Variants in NRIP1 observed in about 807,000 individuals in gnomAD.
NRIP1 encodes nuclear receptor interacting protein 1.
A neutral mutation model predicts 75.0 loss-of-function variants in NRIP1; 28 were observed. The ratio of observed to expected loss-of-function variants is 0.37; its 90% confidence interval spans 0.28 to 0.51. The LOEUF (loss-of-function observed/expected upper bound fraction) is 0.51, where lower values mean the gene tolerates loss of function less well. NRIP1 is among the 20% of genes least tolerant of loss of function. The probability of loss-of-function intolerance (pLI) is 0.92; values close to 1 mark genes in which losing one functional copy is unlikely to be tolerated. For synonymous variants in NRIP1, 526 were observed against 487.6 expected (o/e 1.08, Z -1.04); for missense variants, 1,435 against 1,343.7 (o/e 1.07, Z -1.06).
intron 3 of NRIP1, chr21:14,988,102 A>C (rs1354575851): frequency 6.6e-6 from 1 of 152,182 alleles, no homozygotes; most frequent in African/African-American, 2.4e-5. Flanking sequence ...ATTGTGGTGA[A>C]AAGAACAGTC....
At position 14,968,304 on chromosome 21, in the gene NRIP1, C is replaced by A. The variant is rs570355404; in HGVS notation, c.-112G>T. 1.1e-3 allele frequency: 767 copies of A among 702,012 alleles called. 2 individuals are homozygous for A. The highest frequency in any genetic ancestry group is 2.1e-3 in the Middle Eastern group (6 of 2,878). 43.5% of individuals were successfully genotyped at this position (702,012 alleles called of 1,614,324 possible). On this transcript the variant is annotated 5_prime_UTR_variant, in exon 4 of 4. Transcript: ENST00000318948. ...GGAGTATCAGTTTATCACCTTCCAT[C>A]GCAATCAGAGAGAGACGTACTGTTA...
chr21:14,969,221 A>G (rs1475845811), intron 3 of NRIP1, among the ~76,000 whole-genome samples: 1 of 152,234 alleles, frequency 6.6e-6, no homozygotes, highest in Non-Finnish European at 1.5e-5. Flanking sequence ...CTTATTAAAG[A>G]CAGAGAGGAG....
rs1022538039 is a variant in NRIP1 at position 14,964,568 on chromosome 21, T to G, written c.*148A>C. On this transcript the variant is annotated 3_prime_UTR_variant, in exon 4 of 4. Coordinates refer to ENST00000318948, the MANE Select transcript of NRIP1 (RefSeq NM_003489.4). ...GTTAAGCAAAAATTAGTATGCATAT[T>G]TCAACATCACCAGTAACCAATACTT... 1 of 633,584 alleles carries G rather than the reference T, an allele frequency of 1.6e-6. No individual in the cohort carries two copies. Among genetic ancestry groups the G allele is most frequent in the African/African-American group, 1.9e-5 (1 of 53,626 alleles). The allele number at this position is 633,584 out of a possible 1,614,324, so 39.2% of individuals were successfully genotyped here.
chr21:15,009,168 G>A (rs1433003429), intron 3 of NRIP1, among the ~76,000 whole-genome samples: 1 of 152,120 alleles, frequency 6.6e-6, no homozygotes, highest in African/African-American at 2.4e-5. Context: ...TGTTCTCTGT[G>A]CAGAATGTCC....
intron 3 of NRIP1, among the ~76,000 whole-genome samples, chr21:14,985,170 A>G (rs573768101): frequency 1.5e-3 from 231 of 152,306 alleles, no homozygotes; most frequent in African/African-American, 5.3e-3. Context: ...ACATCTTAGC[A>G]CCTAGCAGAG....
intron 3 of NRIP1, among the ~76,000 whole-genome samples, chr21:15,000,099 C>T (rs2147112015): frequency 6.6e-6 from 1 of 152,286 alleles, no homozygotes; most frequent in East Asian, 1.9e-4. Flanking sequence ...TCAAAGCACA[C>T]ATTTGGAAGA....
intron 3 of NRIP1, among the ~76,000 whole-genome samples, chr21:14,998,357 A>G (rs779015938): frequency 6.6e-6 from 1 of 152,230 alleles, no homozygotes; most frequent in Non-Finnish European, 1.5e-5. Flanking sequence ...CTGAATTAGA[A>G]TATTTCTTGA....
At chr21:14,973,079 T>C (rs1258175753) in intron 3 of NRIP1, among the ~76,000 whole-genome samples, 2 of 152,208 alleles carry the variant, frequency 1.3e-5, no homozygotes, top group African/African-American at 4.8e-5. Flanking sequence ...GGTGATTTCA[T>C]TAGAGCTTGT....
At chr21:15,006,928 T>C (rs2087987034) in intron 3 of NRIP1, among the ~76,000 whole-genome samples, 1 of 152,196 alleles carries the variant, frequency 6.6e-6, no homozygotes, top group East Asian at 1.9e-4. Flanking sequence ...TTTTAGTTCA[T>C]ATGTACACAT....
At chr21:14,982,579 G>A (rs1464182722) in intron 3 of NRIP1, among the ~76,000 whole-genome samples, 2 of 151,768 alleles carry the variant, frequency 1.3e-5, no homozygotes, top group African/African-American at 4.9e-5. Context: ...GAGGGTAGTT[G>A]TTCCTCTCTG....
At chr21:15,017,258 A>C (rs548135873) in intron 2 of NRIP1, among the ~76,000 whole-genome samples, 75 of 152,252 alleles carry the variant, frequency 4.9e-4, no homozygotes, top group African/African-American at 1.3e-3. Context: ...GGATCTCGCT[A>C]TGTTGCTCAG....
chr21:14,995,198 A>G (rs1022341343), intron 3 of NRIP1, among the ~76,000 whole-genome samples: 1 of 152,138 alleles, frequency 6.6e-6, no homozygotes. Context: ...ATCACAAGAC[A>G]TATGTCAAAG....
At chr21:15,001,814 T>C (rs1446152314) in intron 3 of NRIP1, among the ~76,000 whole-genome samples, 3 of 152,198 alleles carry the variant, frequency 2.0e-5, no homozygotes, top group African/African-American at 7.2e-5. Context: ...TTCTAAACTA[T>C]GTCCATAACC....
chr21:15,009,650 G>C (rs1358706370), intron 3 of NRIP1, among the ~76,000 whole-genome samples: 1 of 152,164 alleles, frequency 6.6e-6, no homozygotes, highest in Non-Finnish European at 1.5e-5. Context: ...GCCCAGTCCA[G>C]GAAGCACAAT....
intron 1 of NRIP1, among the ~76,000 whole-genome samples, chr21:15,047,499 C>A (rs2089108784): frequency 6.6e-6 from 1 of 152,190 alleles, no homozygotes; most frequent in South Asian, 2.1e-4. Flanking sequence ...GAGACCGCGC[C>A]ACTGCACTCC....
Position 14,968,150 on chromosome 21 carries a change from A to T in NRIP1, c.43T>A (p.Ser15Thr). 6.2e-7 allele frequency: 1 copy of T among 1,613,748 alleles called. No individual in the cohort carries two copies. The highest frequency in any genetic ancestry group is 8.5e-7 in the Non-Finnish European group (1 of 1,179,844). ...CCTTCTAGGTAAGTTAAAACAATAG[A>T]ATCCTGGTGCACATCAGAGCCAAGC... Reference protein sequence around the residue: ...EELGSDVHQDSIVLTYLEGLL... With the variant: ...EELGSDVHQDTIVLTYLEGLL... Residue 15 changes from serine to threonine, a missense_variant, in exon 4 of 4, where the codon TCT becomes ACT. By Grantham distance (58) the Ser-to-Thr change is moderately conservative. Coordinates refer to ENST00000318948, the MANE Select transcript of NRIP1 (RefSeq NM_003489.4).
Position 14,966,773 on chromosome 21 carries a change from T to C in NRIP1, c.1420A>G (p.Lys474Glu). Residue 474 changes from lysine to glutamate, a missense_variant, in exon 4 of 4, where the codon AAA (lysine) becomes GAA (glutamate). Transcript: ENST00000318948. ...TQSLLNTWDP[K>E]VPDVDIKEDQ... ...TCTTTGATATCTACATCTGGGACTT[T>C]TGGATCCCAAGTGTTTAGCAAGGAT... The C allele has an allele frequency of 1.9e-6, 3 of 1,614,130 alleles. No homozygotes were observed. The highest frequency in any genetic ancestry group is 2.5e-6 in the Non-Finnish European group (3 of 1,180,012).
intron 3 of NRIP1, chr21:15,002,419 G>A (rs1292256346): frequency 6.6e-6 from 1 of 152,112 alleles, no homozygotes; most frequent in Non-Finnish European, 1.5e-5. Context: ...CCTCCACCAA[G>A]CTTGAGTCAG....
intron 1 of NRIP1, among the ~76,000 whole-genome samples, chr21:15,063,314 T>C (rs1978494579): frequency 6.6e-6 from 1 of 152,210 alleles, no homozygotes; most frequent in Non-Finnish European, 1.5e-5. Context: ...CTCACTTACT[T>C]GGAAGGTGAA....
Sources: allele counts gnomAD v4.1 joint callset (sites outside exome capture counted in the v4.1 genomes callset), GRCh38; gene constraint gnomAD v4.1.1; transcripts MANE v1.5; gene names NCBI Gene and HGNC (gene_info 2026-07-23, HGNC 2026-07-21).